The following CACNA1D variants were observed in gnomAD, a reference collection of about 807,000 sequenced individuals.
CACNA1D encodes the protein voltage-dependent L-type calcium channel subunit alpha-1D.
In CACNA1D, 55 loss-of-function variants were observed where a neutral mutation model predicts 257.1. That is an observed-to-expected ratio of 0.21 (90% CI 0.17 to 0.27). The LOEUF is 0.27. Ranked by LOEUF, CACNA1D falls within the 10% of genes least tolerant of loss-of-function variation. The pLI is 1.00. For synonymous variants in CACNA1D, 980 were observed against 1,014.9 expected (o/e 0.97, Z 0.65); for missense variants, 1,876 against 2,784.0 (o/e 0.67, Z 7.34).
At position 53,743,125 on chromosome 3, in the gene CACNA1D, T is replaced by G. The variant is rs2095133347; in HGVS notation, c.2918+8T>G. On this transcript the variant is annotated splice_region_variant and intron_variant, in intron 22 of 47. Transcript: ENST00000350061. ...GGTGTCATTTGGGATTCAGTAAGTATTCTGGGGTGTGTGCCCAGAATTGTT... is the reference window on the plus strand; with the variant it reads ...GGTGTCATTTGGGATTCAGTAAGTAGTCTGGGGTGTGTGCCCAGAATTGTT... The G allele has an allele frequency of 6.4e-7, 1 of 1,567,802 alleles. No homozygotes were observed. Among genetic ancestry groups the G allele is most frequent in the African/African-American group, 1.4e-5 (1 of 73,992 alleles).
chr3:53,544,848 G>A (rs1384118393), intron 3 of CACNA1D, among the ~76,000 whole-genome samples: 2 of 152,210 alleles, frequency 1.3e-5, no homozygotes, highest in Non-Finnish European at 2.9e-5. Flanking sequence ...CACCTGGCAA[G>A]TTGCTTCATC....
In CACNA1D at chr3:53,539,709, A is replaced by G. The variant is rs186612473; in HGVS notation, c.483+37989A>G. On this transcript the variant is annotated intron_variant, in intron 3 of 47. Transcript: ENST00000350061. ...CATGCCAGCTGATATGCTCACCAAC[A>G]GCGTGTGAGCATTCCTGTTGCTTCA... is the stretch of plus-strand genomic sequence containing the variant. Among the ~76,000 whole-genome samples, 13 of 152,350 alleles carry G rather than the reference A, an allele frequency of 8.5e-5. No individual in the cohort carries two copies. In the East Asian group the frequency reaches 2.5e-3, roughly 29 times the overall value.
Position 53,732,085 on chromosome 3 carries a change from A to G in CACNA1D, c.2473+3A>G, listed in dbSNP as rs749226178. On this transcript the variant is annotated splice_donor_region_variant and intron_variant, in intron 18 of 47. Transcript: ENST00000350061. ...CTATCCGCCTTGCGATGTGCCAGGT[A>G]TGGTGGCGGAGGCCGGAGACGCTGG... 1 of 1,608,282 alleles carries G rather than the reference A, an allele frequency of 6.2e-7. No homozygotes were observed.
intron 2 of CACNA1D, among the ~76,000 whole-genome samples, chr3:53,499,313 A>AT (rs531894579): frequency 2.0e-3 from 310 of 151,368 alleles, no homozygotes; most frequent in Non-Finnish European, 3.1e-3. Context: ...GCAATATATG[A>AT]TTTTTTTTTC....
At chr3:53,764,282 G>A (rs570819348) in intron 30 of CACNA1D, among the ~76,000 whole-genome samples, 34 of 152,324 alleles carry the variant, frequency 2.2e-4, no homozygotes, top group African/African-American at 6.5e-4. Context: ...AGCTCTCTCC[G>A]AAGTTTATGG....
In CACNA1D at chr3:53,801,116, C is replaced by A. The variant is rs747600714; in HGVS notation, c.5099C>A (p.Ser1700Tyr). The change falls in exon 42 of 48, where the codon TCC (serine) becomes TAC (tyrosine). Residue 1700 changes from serine to tyrosine, a missense_variant. Ser to Tyr is a moderately radical substitution (Grantham distance 144, BLOSUM62 -2). Around this residue, in one of 10 missense-constraint regions of CACNA1D, gnomAD observed 160 missense variants for 236.6 expected, o/e 0.68. Coordinates refer to ENST00000350061, the MANE Select transcript of CACNA1D (RefSeq NM_001128840.3). ...CATGTTAATAGTGATAGGAGAGATT[C>A]CCTTCAGCAGACCAATACCACCCAC... Reference protein sequence around the residue: ...VNHVNSDRRDSLQQTNTTHRP... With the variant: ...VNHVNSDRRDYLQQTNTTHRP... 6.2e-7 allele frequency: 1 copy of A among 1,613,688 alleles called. No homozygotes were observed. The highest frequency in any genetic ancestry group is 8.5e-7 in the Non-Finnish European group (1 of 1,179,634).
At chr3:53,703,664 C>T (rs2094651370) in intron 9 of CACNA1D, among the ~76,000 whole-genome samples, 1 of 152,214 alleles carries the variant, frequency 6.6e-6, no homozygotes, top group Non-Finnish European at 1.5e-5. Context: ...GTGCACATGT[C>T]CATTGAGAGG....
rs369194462 is a variant in CACNA1D, at chr3:53,811,102, T to C, written c.6193-11T>C. 853 of 1,612,796 alleles carry C rather than the reference T, an allele frequency of 5.3e-4. 9 individuals are homozygous for C. The South Asian group carries it at 9.1e-3, about 17-fold the overall frequency. On this transcript the variant is annotated splice_polypyrimidine_tract_variant and intron_variant, in intron 47 of 47. Transcript: ENST00000350061. The surrounding 1 kb of genome is among the most constrained non-coding windows in gnomAD (Gnocchi z 4.2). ...ACACCCCCATGCCATCCATCCCTCT[T>C]TTCTGTACAGGTCCTGATATCCGAA... is the stretch of plus-strand genomic sequence containing the variant.
At chr3:53,799,538 T>C (rs2095525145) in intron 40 of CACNA1D, among the ~76,000 whole-genome samples, 1 of 152,226 alleles carries the variant, frequency 6.6e-6, no homozygotes, top group Admixed American at 6.5e-5. Flanking sequence ...CAAAGGCTGA[T>C]AAGCCACTTT....
At chr3:53,808,594 G>A (rs1327066996) in intron 45 of CACNA1D, 55 bp from the exon 46 acceptor site, 10 of 1,599,850 alleles carry the variant, frequency 6.3e-6, no homozygotes, top group South Asian at 4.4e-5. Flanking sequence ...TCTGAAAGAC[G>A]GTGTCCCGGC....
intron 29 of CACNA1D, among the ~76,000 whole-genome samples, chr3:53,759,176 T>C (rs1026557796): frequency 6.6e-6 from 1 of 152,178 alleles, no homozygotes; most frequent in Non-Finnish European, 1.5e-5. Flanking sequence ...AGAGAGTCAA[T>C]GAAATTGCCA....
At chr3:53,687,971 T>G (rs927341833) in intron 8 of CACNA1D, among the ~76,000 whole-genome samples, 3 of 152,252 alleles carry the variant, frequency 2.0e-5, no homozygotes, top group Non-Finnish European at 2.9e-5. Flanking sequence ...GATATGCTCA[T>G]ACATTGTTTA....
intron 3 of CACNA1D, among the ~76,000 whole-genome samples, chr3:53,531,018 A>ATTTTTT (rs11328561): frequency 8.4e-6 from 1 of 118,900 alleles, no homozygotes; most frequent in Non-Finnish European, 1.8e-5. Context: ...GCTAATTTTA[A>ATTTTTT]TTTTTTTTTT....
At chr3:53,552,097 T>C (rs140615010) in intron 3 of CACNA1D, among the ~76,000 whole-genome samples, 1 of 152,296 alleles carries the variant, frequency 6.6e-6, no homozygotes, top group African/African-American at 2.4e-5. Flanking sequence ...GGCAACTCAG[T>C]GCAGTACCCT....
rs751233789 is a variant in CACNA1D at position 53,803,414 on chromosome 3, C to T, written c.5436-9C>T. On this transcript the variant is annotated splice_polypyrimidine_tract_variant and intron_variant, in intron 43 of 47. Coordinates refer to ENST00000350061, the MANE Select transcript of CACNA1D (RefSeq NM_001128840.3). ...GCCCAGGTTCTCAGATCCTCTCTCC[C>T]AACTGCAGGTCCGACTCAGGAGATG... 6.2e-7 allele frequency: 1 copy of T among 1,614,162 alleles called. No individual in the cohort carries two copies. The highest frequency in any genetic ancestry group is 1.3e-5 in the African/African-American group (1 of 75,068).
At chr3:53,549,284 G>A (rs1458704034) in intron 3 of CACNA1D, among the ~76,000 whole-genome samples, 1 of 152,132 alleles carries the variant, frequency 6.6e-6, no homozygotes, top group African/African-American at 2.4e-5. Context: ...ACTTGAATGT[G>A]CTTTCATTTA....
intron 3 of CACNA1D, among the ~76,000 whole-genome samples, chr3:53,578,611 G>A (rs1171474492): frequency 2.7e-4 from 41 of 152,112 alleles, no homozygotes; most frequent in Admixed American, 2.7e-3. Flanking sequence ...TGGGTTTCTG[G>A]AGGCGGAGGT....
In CACNA1D at chr3:53,538,518, G is replaced by T. The variant is rs1463944541; in HGVS notation, c.483+36798G>T. Among the ~76,000 whole-genome samples, 5 of 152,002 alleles carry T rather than the reference G, an allele frequency of 3.3e-5. No homozygotes were observed. In the South Asian group the frequency reaches 6.2e-4, roughly 19 times the overall value. ...TTAACAGTGACTGGTTTGTTTTTTG[G>T]TTTTTGTAATTTTTAAAAGTATGAT... On this transcript the variant is annotated intron_variant, in intron 3 of 47. Transcript: ENST00000350061.
chr3:53,515,884 C>T (rs2091313001), intron 3 of CACNA1D, among the ~76,000 whole-genome samples: 1 of 152,162 alleles, frequency 6.6e-6, no homozygotes, highest in Non-Finnish European at 1.5e-5. Context: ...GCATCTAGTC[C>T]CACTTTCTCA....
Sources: allele counts gnomAD v4.1 joint callset (sites outside exome capture counted in the v4.1 genomes callset), GRCh38; gene constraint gnomAD v4.1.1; regional missense constraint gnomAD v4.1.1; non-coding constraint Gnocchi (gnomAD v3.1); transcripts MANE v1.5; gene names NCBI Gene and HGNC (gene_info 2026-07-23, HGNC 2026-07-21).